The following POGZ variants were observed in gnomAD, a reference collection of about 807,000 sequenced individuals.
POGZ encodes pogo transposable element with ZNF domain.
POGZ carries 17 observed loss-of-function variants against 134.6 expected under a neutral mutation model. The observed-to-expected ratio is 0.13, with a 90% CI of 0.09 to 0.19. POGZ has a LOEUF of 0.19. POGZ is among the 10% of genes least tolerant of loss of function. The probability of loss-of-function intolerance (pLI) is 1.00; values close to 1 mark genes in which losing one functional copy is unlikely to be tolerated. For missense variants in POGZ, 1,306 were observed against 1,769.7 expected, an observed-to-expected ratio of 0.74 and a Z score of 4.70; for synonymous variants, 693 against 657.1, an observed-to-expected ratio of 1.05 and a Z score of -0.84.
At chr1:151,458,761 C>T (rs963157128) in intron 1 of POGZ, among the ~76,000 whole-genome samples, 12 of 145,614 alleles carry the variant, frequency 8.2e-5, no homozygotes, top group Admixed American at 6.8e-4. Context: ...CGCCTCGCGC[C>T]GAGCGTGCGT....
chr1:151,413,321 T>C (rs1230485677), intron 10 of POGZ, among the ~76,000 whole-genome samples: 2 of 152,036 alleles, frequency 1.3e-5, no homozygotes, highest in Non-Finnish European at 2.9e-5. Flanking sequence ...GGTCTCGCCA[T>C]GTTGCCCAGG....
At chr1:151,419,953 C>A (rs978288617) in intron 10 of POGZ, among the ~76,000 whole-genome samples, 1 of 151,974 alleles carries the variant, frequency 6.6e-6, no homozygotes, top group Non-Finnish European at 1.5e-5. Context: ...AAAACCCACC[C>A]CCCATATTAC....
At chr1:151,449,661 C>T (rs2102408470) in intron 1 of POGZ, among the ~76,000 whole-genome samples, 1 of 152,174 alleles carries the variant, frequency 6.6e-6, no homozygotes, top group East Asian at 1.9e-4. Flanking sequence ...CTTTGGGAGG[C>T]CGAGGTGGGC....
At chr1:151,443,574 C>A (rs904977495) in intron 1 of POGZ, among the ~76,000 whole-genome samples, 1 of 151,992 alleles carries the variant, frequency 6.6e-6, no homozygotes, top group Middle Eastern at 3.4e-3. Flanking sequence ...ATTAGCCGGG[C>A]GTGGTGGTGC....
At chr1:151,437,751 C>CA (rs1178342504) in intron 3 of POGZ, among the ~76,000 whole-genome samples, 2 of 151,614 alleles carry the variant, frequency 1.3e-5, no homozygotes, top group African/African-American at 2.4e-5. Context: ...GACTCTGTCT[C>CA]AAAAAAACAA....
intron 1 of POGZ, among the ~76,000 whole-genome samples, chr1:151,448,609 G>A (rs1350875664): frequency 1.3e-5 from 2 of 152,114 alleles, no homozygotes; most frequent in Non-Finnish European, 2.9e-5. Context: ...CACTTCAGGA[G>A]GCTGAGGTGG....
At chr1:151,455,212 T>G (rs968985205) in intron 1 of POGZ, 2 of 152,194 alleles carry the variant, frequency 1.3e-5, no homozygotes, top group African/African-American at 4.8e-5. Context: ...GGCAAAGGCA[T>G]TAACCAGCTC....
Position 151,403,875 on chromosome 1 carries a change from A to AG in POGZ, c.*926dup. 2.0e-6 allele frequency: 2 copies of AG among 985,486 alleles called. No homozygotes were observed. The highest frequency in any genetic ancestry group is 1.2e-6 in the Non-Finnish European group (1 of 829,934). The allele number at this position is 985,486 out of a possible 1,614,324, so 61.0% of individuals were successfully genotyped here. A position where few individuals can be genotyped will look rare whatever the true frequency, so the allele number is the denominator to read the frequency against. On this transcript the variant is annotated 3_prime_UTR_variant, in exon 19 of 19. Transcript: ENST00000271715. ...GCAGGGACTGCCCCTGGGGGCTTAC[A>AG]GGATGAAGACTCAAACTGGGAATGG...
rs1313602877 is a variant in POGZ at position 151,403,199 on chromosome 1, GA to G, written c.*1602del. ...TTCACTATATTATAGTGTGCTGGGG[GA>G]TGAAAAAACAAACAAACAAAAAAGC... On this transcript the variant is annotated 3_prime_UTR_variant, in exon 19 of 19. Transcript: ENST00000271715. The G allele has an allele frequency of 5.1e-6, 5 of 984,858 alleles. No homozygotes were observed. Among genetic ancestry groups the G allele is most frequent in the Non-Finnish European group, 6.0e-6 (5 of 829,238 alleles). The allele number at this position is 984,858 out of a possible 1,614,324, so 61.0% of individuals were successfully genotyped here. A position where few individuals can be genotyped will look rare whatever the true frequency, so the allele number is the denominator to read the frequency against.
chr1:151,412,088 C>T (rs1221807606), intron 11 of POGZ, among the ~76,000 whole-genome samples: 1 of 152,132 alleles, frequency 6.6e-6, no homozygotes, highest in Non-Finnish European at 1.5e-5. Context: ...CACATGTTCC[C>T]GGCTAGTCTA....
In POGZ at chr1:151,425,004, C is replaced by T. The variant is rs781293458; in HGVS notation, c.1136G>A (p.Arg379Gln). ...AGTAACACGAAATTGAGCATTACAT[C>T]GTGGACATATTTTCCGTCCACCATC... ...LQDGGRKICP[R>Q]CNAQFRVTEA... The change falls in exon 8 of 19, where the codon CGA becomes CAA. Residue 379 changes from arginine to glutamine, a missense_variant. Transcript: ENST00000271715. 1 of 1,599,200 alleles carries T rather than the reference C, an allele frequency of 6.3e-7. No individual in the cohort carries two copies. Among genetic ancestry groups the T allele is most frequent in the Non-Finnish European group, 8.5e-7 (1 of 1,170,020 alleles).
chr1:151,414,625 A>C (rs558882260), intron 10 of POGZ, among the ~76,000 whole-genome samples: 6 of 152,190 alleles, frequency 3.9e-5, no homozygotes, highest in African/African-American at 9.7e-5. Context: ...TCTACTAAAA[A>C]TACAAAATCA....
chr1:151,452,982 G>A (rs954727852), intron 1 of POGZ, among the ~76,000 whole-genome samples: 1 of 151,734 alleles, frequency 6.6e-6, no homozygotes, highest in African/African-American at 2.4e-5. Context: ...GCCCAGGCTG[G>A]AGTGATCTTG....
At chr1:151,458,787 T>C (rs1468090097) in intron 1 of POGZ, among the ~76,000 whole-genome samples, 7 of 143,990 alleles carry the variant, frequency 4.9e-5, no homozygotes, top group Non-Finnish European at 7.7e-5. Flanking sequence ...CGTCGGGCTG[T>C]GTGCGGGGCC....
rs756360462 is a variant in POGZ at position 151,440,960 on chromosome 1, T to G, written c.251A>C (p.Lys84Thr). 6.2e-7 allele frequency: 1 copy of G among 1,613,694 alleles called. No individual in the cohort carries two copies. Among genetic ancestry groups the G allele is most frequent in the South Asian group, 1.1e-5 (1 of 91,004 alleles). ...GTTGGCAATTAGTGTGACAAGAGTC[T>G]TCTTTGTACTGTCGCTGTTCTGTGC... Reference protein sequence around the residue: ...SGAQNSDSTKKTLVTLIANNN... With the variant: ...SGAQNSDSTKTTLVTLIANNN... Residue 84 changes from lysine (K) to threonine (T), a missense_variant, in exon 3 of 19, where the codon AAG becomes ACG. This residue lies in a region of POGZ where 541 missense variants were observed against 680.5 expected (regional missense o/e 0.80). Coordinates refer to ENST00000271715, the MANE Select transcript of POGZ (RefSeq NM_015100.4).
At chr1:151,412,207 A>C in intron 11 of POGZ, 89 bp downstream of exon 11, 2 of 695,852 alleles carry the variant, frequency 2.9e-6, no homozygotes, top group East Asian at 2.5e-5. Context: ...GAGTGTATGC[A>C]GTAGGTGGTC....
At position 151,403,622 on chromosome 1, in the gene POGZ, TAA is replaced by T; in HGVS notation, c.*1178_*1179del. 1.0e-6 allele frequency: 1 copy of T among 985,612 alleles called. No homozygotes were observed. The highest frequency in any genetic ancestry group is 1.2e-6 in the Non-Finnish European group (1 of 829,698). The allele number at this position is 985,612 out of a possible 1,614,324, so 61.1% of individuals were successfully genotyped here. On this transcript the variant is annotated 3_prime_UTR_variant, in exon 19 of 19. Coordinates refer to ENST00000271715, the MANE Select transcript of POGZ (RefSeq NM_015100.4). ...TTTCCTTGAAGCTGGCAGTGAAAAATAAAGATTCATGTCATTTTCTTTGTGCA... is the reference window on the plus strand; with the variant it reads ...TTTCCTTGAAGCTGGCAGTGAAAAATAGATTCATGTCATTTTCTTTGTGCA...
intron 1 of POGZ, among the ~76,000 whole-genome samples, chr1:151,450,346 T>C (rs2102412022): frequency 6.6e-6 from 1 of 152,144 alleles, no homozygotes; most frequent in African/African-American, 2.4e-5. Context: ...AACTTGATTT[T>C]ATCTTCATAT....
rs1237144815 is a variant in POGZ at position 151,423,489 on chromosome 1, T to A, written c.1586A>T (p.His529Leu). 1 of 1,613,078 alleles carries A rather than the reference T, an allele frequency of 6.2e-7. No homozygotes were observed. Among genetic ancestry groups the A allele is most frequent in the East Asian group, 2.2e-5 (1 of 44,896 alleles). ...LDQQNGEVDG[H>L]TICQHCYRQF... is the part of the protein sequence containing the mutation. ...GCGGTAACAGTGCTGGCAGATAGTG[T>A]GACCATCTACCTCACCGTTCTGCTG... is the stretch of plus-strand genomic sequence containing the variant. The change falls in exon 10 of 19, where the codon CAC becomes CTC. Residue 529 changes from histidine to leucine, a missense_variant. By Grantham distance (99) the His-to-Leu change is moderately conservative (BLOSUM62 -3). This residue lies in a region of POGZ where 541 missense variants were observed against 680.5 expected (regional missense o/e 0.80). Coordinates refer to ENST00000271715, the MANE Select transcript of POGZ (RefSeq NM_015100.4).
Sources: gnomAD v4.1 joint callset for allele counts (sites outside exome capture counted in the v4.1 genomes callset) on GRCh38, gnomAD v4.1.1 for gene constraint, gnomAD v4.1.1 regional missense constraint, MANE v1.5 for transcripts, NCBI Gene and HGNC (gene_info 2026-07-23, HGNC 2026-07-21) for gene names.